Variants in LRRC20 observed in about 807,000 individuals in gnomAD.
The protein encoded by LRRC20 is leucine rich repeat containing 20.
In LRRC20, 11 loss-of-function variants were observed where a neutral mutation model predicts 14.4. That is an observed-to-expected ratio of 0.77 (90% CI 0.48 to 1.27). The LOEUF is 1.27. Ranked by LOEUF, LRRC20 falls within the 50% of genes most tolerant of loss-of-function variation. The pLI, the probability that LRRC20 is intolerant of heterozygous loss-of-function variation, is 0.00. For missense variants in LRRC20, 219 were observed against 251.2 expected, an observed-to-expected ratio of 0.87 and a Z score of 0.87; for synonymous variants, 121 against 107.3, an observed-to-expected ratio of 1.13 and a Z score of -0.79.
At chr10:70,301,888 G>A (rs34269733) in intron 4 of LRRC20, among the ~76,000 whole-genome samples, 7,550 of 152,124 alleles carry the variant, frequency 0.05, 252 homozygotes, top group African/African-American at 0.083. Flanking sequence ...ACCAATAGAT[G>A]AATGGATAAA....
intron 2 of LRRC20, among the ~76,000 whole-genome samples, chr10:70,341,902 T>C (rs1241216304): frequency 1.3e-5 from 2 of 152,236 alleles, no homozygotes; most frequent in Non-Finnish European, 2.9e-5. Flanking sequence ...AGTTTCATTA[T>C]ATGAAATGTC....
chr10:70,319,495 C>T (rs751674153), intron 4 of LRRC20, among the ~76,000 whole-genome samples: 3 of 152,164 alleles, frequency 2.0e-5, no homozygotes, highest in Non-Finnish European at 2.9e-5. Context: ...CTTAGAAACC[C>T]TCCCACAAGG....
At chr10:70,324,328 G>C (rs12359368) in intron 3 of LRRC20, among the ~76,000 whole-genome samples, 11,560 of 152,272 alleles carry the variant, frequency 0.076, 702 homozygotes, top group East Asian at 0.3. Flanking sequence ...GGGTCAGGAG[G>C]TGCTGGCTCC....
chr10:70,338,859 C>T (rs1842808053), intron 3 of LRRC20, among the ~76,000 whole-genome samples: 2 of 151,934 alleles, frequency 1.3e-5, no homozygotes, highest in Admixed American at 1.3e-4. Context: ...CAGAGTTTCG[C>T]CATGTTGGTC....
rs80070876 is a variant in LRRC20 at position 70,376,482 on chromosome 10, C to T, written c.52G>A (p.Glu18Lys). 8.3e-4 allele frequency: 1,345 copies of T among 1,614,120 alleles called. 2 individuals are homozygous for T. Among genetic ancestry groups the T allele is most frequent in the Admixed American group, 1.4e-3 (86 of 60,028 alleles). The change falls in exon 2 of 5, where the codon GAG becomes AAG. Residue 18 changes from glutamate to lysine, a missense_variant. Glu to Lys is a moderately conservative substitution (Grantham distance 56, BLOSUM62 1). Transcript: ENST00000446961. ...AVARVARKVN[E>K]TVESGSDTLD... Reference sequence around the variant, plus strand: ...GTGTCAGAGCCGCTCTCCACCGTCTCGTTGACCTTCCTTGCTACTCTGGCC... The same window carrying T: ...GTGTCAGAGCCGCTCTCCACCGTCTTGTTGACCTTCCTTGCTACTCTGGCC...
rs1191395343 is a variant in LRRC20, at chr10:70,345,228, CAAAT to C, written c.83-4530_83-4527del. On this transcript the variant is annotated intron_variant, in intron 2 of 4. Coordinates refer to ENST00000446961, the MANE Select transcript of LRRC20 (RefSeq NM_001278212.2). ...ATAATAAATGCTAAAGGAAGCTTCA[CAAAT>C]AAACTGGAGAGGGAAGGATTAATCA... Among the ~76,000 whole-genome samples, 4 of 151,998 alleles carry C rather than the reference CAAAT, an allele frequency of 2.6e-5. No individual in the cohort carries two copies. In the South Asian group the frequency reaches 6.2e-4, roughly 24 times the overall value.
Position 70,319,017 on chromosome 10 carries a change from G to T in LRRC20, c.400+4846C>A, listed in dbSNP as rs185065404. Among the ~76,000 whole-genome samples the T allele has an allele frequency of 5.1e-4, 78 of 151,892 alleles. 2 individuals carry two copies. Among genetic ancestry groups the T allele is most frequent in the South Asian group, 3.1e-3 (15 of 4,812 alleles). ...AGATGGGGTTTTGCCATGTTGTCCA[G>T]GCTGGCCTCAAACTCCTGGGCTCAA... On this transcript the variant is annotated intron_variant, in intron 4 of 4. Coordinates refer to ENST00000446961, the MANE Select transcript of LRRC20 (RefSeq NM_001278212.2).
intron 2 of LRRC20, among the ~76,000 whole-genome samples, chr10:70,365,732 A>C (rs1004239649): frequency 6.6e-6 from 1 of 151,972 alleles, no homozygotes; most frequent in African/African-American, 2.4e-5. Flanking sequence ...AAGAAAACCC[A>C]ATGTTTTTTA....
intron 3 of LRRC20, among the ~76,000 whole-genome samples, chr10:70,333,073 T>C (rs1842597600): frequency 6.6e-6 from 1 of 152,144 alleles, no homozygotes; most frequent in Non-Finnish European, 1.5e-5. Context: ...TATGGAAACA[T>C]CTGAATCGCA....
chr10:70,300,560 G>A lies in LRRC20; in HGVS notation c.*794C>T, dbSNP rs1841132009. ...TTAGACAAGAGCTGCAGGTGTAACT[G>A]ACTCTGCTGTTCTCTGGGCCACCTC... On this transcript the variant is annotated 3_prime_UTR_variant, in exon 5 of 5. Coordinates refer to ENST00000446961, the MANE Select transcript of LRRC20 (RefSeq NM_001278212.2). 1 of 985,420 alleles carries A rather than the reference G, an allele frequency of 1.0e-6. No individual in the cohort carries two copies. The highest frequency in any genetic ancestry group is 1.2e-6 in the Non-Finnish European group (1 of 830,022). 61.0% of individuals were successfully genotyped at this position (985,420 alleles called of 1,614,324 possible).
At chr10:70,343,742 G>A (rs1184968428) in intron 2 of LRRC20, among the ~76,000 whole-genome samples, 1 of 152,236 alleles carries the variant, frequency 6.6e-6, no homozygotes, top group Non-Finnish European at 1.5e-5. Flanking sequence ...AAGAAGTTTT[G>A]TTGGAGTTGT....
chr10:70,367,136 C>G (rs1844033560), intron 2 of LRRC20, among the ~76,000 whole-genome samples: 1 of 151,640 alleles, frequency 6.6e-6, no homozygotes, highest in African/African-American at 2.4e-5. Context: ...ACCAGCCTCG[C>G]CAACACAGGG....
intron 4 of LRRC20, among the ~76,000 whole-genome samples, chr10:70,316,374 C>A (rs925586844): frequency 6.6e-6 from 1 of 152,228 alleles, no homozygotes; most frequent in Admixed American, 6.5e-5. Flanking sequence ...CTCAAGTGAT[C>A]CACCTACCTC....
At chr10:70,355,836 C>T (rs183258668) in intron 2 of LRRC20, among the ~76,000 whole-genome samples, 40 of 152,228 alleles carry the variant, frequency 2.6e-4, no homozygotes, top group African/African-American at 7.0e-4. Context: ...GCAAAGCTCA[C>T]GGGAGCTGCT....
intron 3 of LRRC20, among the ~76,000 whole-genome samples, chr10:70,336,220 A>G (rs1564626599): frequency 2.0e-5 from 3 of 152,236 alleles, no homozygotes; most frequent in Admixed American, 6.5e-5. Context: ...TCCCACAGCC[A>G]CACCGAACCC....
intron 2 of LRRC20, among the ~76,000 whole-genome samples, chr10:70,358,321 G>A (rs1589112629): frequency 6.6e-6 from 1 of 152,220 alleles, no homozygotes; most frequent in East Asian, 1.9e-4. Context: ...GGGCGAGGGG[G>A]CAGCAGATGG....
chr10:70,370,422 C>A (rs559712206), intron 2 of LRRC20, among the ~76,000 whole-genome samples: 2 of 152,222 alleles, frequency 1.3e-5, no homozygotes, highest in East Asian at 3.9e-4. Flanking sequence ...CAAGAGTCAG[C>A]AGGAACAACA....
At chr10:70,347,932 G>A (rs1010594168) in intron 2 of LRRC20, among the ~76,000 whole-genome samples, 1 of 151,952 alleles carries the variant, frequency 6.6e-6, no homozygotes, top group Non-Finnish European at 1.5e-5. Flanking sequence ...AGAGGATGCC[G>A]AGGGCCTGGA....
At position 70,302,737 on chromosome 10, in the gene LRRC20, G is replaced by A. The variant is rs140108995; in HGVS notation, c.401-1229C>T. On this transcript the variant is annotated intron_variant, in intron 4 of 4. Coordinates refer to ENST00000446961, the MANE Select transcript of LRRC20 (RefSeq NM_001278212.2). ...TCTTTTTTTTTTTTTTTGAGACGGA[G>A]TTTCGCTCTGTCGCCCAGGCTGGAG... Among the ~76,000 whole-genome samples the A allele has an allele frequency of 9.0e-3, 1,341 of 149,790 alleles. 20 individuals are homozygous for A. The highest frequency in any genetic ancestry group is 0.032 in the African/African-American group (1,291 of 40,764).
Sources: gnomAD v4.1 joint callset for allele counts (sites outside exome capture counted in the v4.1 genomes callset) on GRCh38, gnomAD v4.1.1 for gene constraint, MANE v1.5 for transcripts, NCBI Gene and HGNC (gene_info 2026-07-23, HGNC 2026-07-21) for gene names.